PEX6: variants seen among roughly 807,000 people sequenced by gnomAD.
The protein encoded by PEX6 is peroxisome biogenesis factor 6.
A neutral mutation model predicts 85.6 loss-of-function variants in PEX6; 55 were observed. The ratio of observed to expected loss-of-function variants is 0.64; its 90% CI spans 0.52 to 0.80. The LOEUF is 0.80. PEX6 is among the 30% of genes least tolerant of loss of function. PEX6 has a pLI of 0.00. For synonymous variants in PEX6, 519 were observed against 549.1 expected (o/e 0.95, Z 0.77); for missense variants, 1,099 against 1,260.3 (o/e 0.87, Z 1.94).
At position 42,969,915 on chromosome 6, in the gene PEX6, C is replaced by T. The variant is rs1418676965; in HGVS notation, c.1203G>A (p.Leu401=). 1.2e-6 allele frequency: 2 copies of T among 1,614,094 alleles called. No individual in the cohort carries two copies. Among genetic ancestry groups the T allele is most frequent in the Non-Finnish European group, 1.7e-6 (2 of 1,180,046 alleles). Residue 401 remains leucine, a synonymous_variant, in exon 4 of 17, where the codon TTG becomes TTA. Coordinates refer to ENST00000304611, the MANE Select transcript of PEX6 (RefSeq NM_000287.4). ...EAPDGPASAY[L]ADTTHTSLYM... Reference sequence around the variant, plus strand: ...ACAAGGAGGTATGGGTGGTGTCGGCCAAGTAGGCACTGGCTGGTCCATCTG... The same window carrying T: ...ACAAGGAGGTATGGGTGGTGTCGGCTAAGTAGGCACTGGCTGGTCCATCTG...
In PEX6 at chr6:42,967,451, G is replaced by A. The variant is rs61753225; in HGVS notation, c.1801C>T (p.Arg601Trp). 29 of 1,612,226 alleles carry A rather than the reference G, an allele frequency of 1.8e-5. No homozygotes were observed. Among genetic ancestry groups the A allele is most frequent in the Non-Finnish European group, 2.4e-5 (28 of 1,179,516 alleles). The change falls in exon 8 of 17, where the codon CGG becomes TGG. Residue 601 changes from arginine (R) to tryptophan (W), a missense_variant. This residue lies in a region of PEX6 where 514 missense variants were observed against 627.0 expected (regional missense o/e 0.82). Transcript: ENST00000304611. ...LEVPALSEGQRLSILRALTAH... is the reference protein window; with the variant it reads ...LEVPALSEGQWLSILRALTAH... ...GTGAGGGCCCGCAGGATGCTGAGCC[G>A]CTGCCCCTCTGACAGAGCAGGCACC...
intron 2 of PEX6, 114 bp from the exon 3 acceptor site, chr6:42,974,200 G>C: frequency 1.3e-6 from 1 of 777,802 alleles, no homozygotes; most frequent in Non-Finnish European, 2.2e-6. Flanking sequence ...TGCCCGCCCA[G>C]AGATCCCACG....
At chr6:42,972,918 C>T (rs1454800518) in intron 3 of PEX6, among the ~76,000 whole-genome samples, 1 of 152,108 alleles carries the variant, frequency 6.6e-6, no homozygotes, top group Non-Finnish European at 1.5e-5. Flanking sequence ...AGTCTTGGTC[C>T]AAATAACACG....
intron 2 of PEX6, among the ~76,000 whole-genome samples, chr6:42,974,321 GGA>G (rs1351484213): frequency 6.6e-6 from 1 of 152,080 alleles, no homozygotes; most frequent in South Asian, 2.1e-4. Context: ...TGGCTCTTTT[GGA>G]GCCCTCTTTA....
At position 42,973,996 on chromosome 6, in the gene PEX6, T is replaced by C; in HGVS notation, c.1130+7A>G. The stretch of plus-strand genomic sequence containing the variant: ...TCCCAGCTGTAGGACAGAAGGCAGC[T>C]GCATACCTGGGCAGTTTCTCTGGAC... On this transcript the variant is annotated splice_region_variant and intron_variant, in intron 3 of 16. Transcript: ENST00000304611. 1 of 1,607,062 alleles carries C rather than the reference T, an allele frequency of 6.2e-7. No individual in the cohort carries two copies. Among genetic ancestry groups the C allele is most frequent in the Non-Finnish European group, 8.5e-7 (1 of 1,173,516 alleles).
Position 42,965,661 on chromosome 6 carries a change from A to G in PEX6, c.2471+20T>C. 6.4e-7 allele frequency: 1 copy of G among 1,568,412 alleles called. No individual in the cohort carries two copies. Among genetic ancestry groups the G allele is most frequent in the South Asian group, 1.1e-5 (1 of 90,172 alleles). ...TCCCACCCTGGACCCCTCAGCTTTC[A>G]TTCCCACTCAGACCCCTACCTGTCC... On this transcript the variant is annotated intron_variant, in intron 13 of 16. Transcript: ENST00000304611. The surrounding 1 kb of genome is among the most constrained non-coding windows in gnomAD (Gnocchi z 5.0).
intron 1 of PEX6, among the ~76,000 whole-genome samples, chr6:42,976,440 G>T (rs1335691291): frequency 6.6e-6 from 1 of 152,054 alleles, no homozygotes; most frequent in Non-Finnish European, 1.5e-5. Context: ...TGGGTTCACT[G>T]CAACTGCCAC....
At position 42,965,509 on chromosome 6, in the gene PEX6, A is replaced by C. The variant is rs1261587324; in HGVS notation, c.2472-141T>G. On this transcript the variant is annotated intron_variant, in intron 13 of 16. Transcript: ENST00000304611. This position sits in a 1 kb window ranked among gnomAD's most constrained non-coding sequence, Gnocchi z 5.0. ...AATGTGCCCCACCAGGTAGGCCCCCATTCTCCTCAGTGGACCCTGCCCAAT... is the reference window on the plus strand; with the variant it reads ...AATGTGCCCCACCAGGTAGGCCCCCCTTCTCCTCAGTGGACCCTGCCCAAT... The C allele has an allele frequency of 1.1e-6, 1 of 894,530 alleles. No individual in the cohort carries two copies. The highest frequency in any genetic ancestry group is 1.6e-5 in the African/African-American group (1 of 61,090). The allele number at this position is 894,530 out of a possible 1,614,324, so 55.4% of individuals were successfully genotyped here.
rs758415144 is a variant in PEX6 at position 42,969,997 on chromosome 6, A to G, written c.1131-10T>C. ...AAACATTTCCCGCCACCTGCAGGAA[A>G]AAGGCCCAATGAACCCCAGATCCAG... On this transcript the variant is annotated splice_polypyrimidine_tract_variant and intron_variant, in intron 3 of 16. Transcript: ENST00000304611. The G allele has an allele frequency of 6.2e-7, 1 of 1,612,504 alleles. No homozygotes were observed. Among genetic ancestry groups the G allele is most frequent in the African/African-American group, 1.3e-5 (1 of 74,856 alleles).
rs748193406 is a variant in PEX6 at position 42,967,533 on chromosome 6, T to A, written c.1719A>T (p.Thr573=). 1.2e-6 allele frequency: 2 copies of A among 1,605,714 alleles called. No homozygotes were observed. The highest frequency in any genetic ancestry group is 1.7e-6 in the Non-Finnish European group (2 of 1,176,834). Reference sequence around the variant, plus strand: ...CAGCAGGCAGGTCCTGGGCCCGGCTTGTGGTGGCCACAACCATGAGGGGAG... The same window carrying A: ...CAGCAGGCAGGTCCTGGGCCCGGCTAGTGGTGGCCACAACCATGAGGGGAG... The part of the protein sequence containing the change: ...SCPPLMVVAT[T]SRAQDLPADV... Residue 573 remains threonine, a synonymous_variant, in exon 8 of 17, where the codon ACA becomes ACT. Transcript: ENST00000304611.
At position 42,978,594 on chromosome 6, in the gene PEX6, G is replaced by T. The variant is rs267608200; in HGVS notation, c.557C>A (p.Ala186Glu). The part of the protein sequence containing the change: ...PPPPPVVSSF[A>E]VSGTVRRLQG... ...GAGTCGCCGCACTGTGCCAGAAACC[G>T]CAAAGGAGGACACCACGGGCGGGGG... Residue 186 changes from alanine (A) to glutamate (E), a missense_variant, in exon 1 of 17, where the codon GCG becomes GAG. Coordinates refer to ENST00000304611, the MANE Select transcript of PEX6 (RefSeq NM_000287.4). The T allele has an allele frequency of 6.2e-7, 1 of 1,610,146 alleles. No individual in the cohort carries two copies. Among genetic ancestry groups the T allele is most frequent in the Non-Finnish European group, 8.5e-7 (1 of 1,179,548 alleles).
intron 1 of PEX6, 145 bp downstream of exon 1, chr6:42,978,124 C>G (rs1770381536): frequency 1.0e-6 from 1 of 971,698 alleles, no homozygotes; most frequent in East Asian, 2.5e-5. Flanking sequence ...GGATTACAGG[C>G]GTGAGTCACC....
chr6:42,968,269 G>A, intron 7 of PEX6, 21 bp downstream of exon 7: 1 of 1,608,774 alleles, frequency 6.2e-7, no homozygotes, highest in Non-Finnish European at 8.5e-7. Flanking sequence ...AGCTTTGAGA[G>A]GCCCAGCTCT....
intron 5 of PEX6, 78 bp from the exon 6 acceptor site, chr6:42,969,063 A>C (rs1769959283): frequency 1.0e-6 from 1 of 986,306 alleles, no homozygotes; most frequent in Non-Finnish European, 1.6e-6. Flanking sequence ...GATCCCTTAG[A>C]TCTAGAAAGC....
At chr6:42,977,795 G>C (rs368222925) in intron 1 of PEX6, among the ~76,000 whole-genome samples, 13 of 122,754 alleles carry the variant, frequency 1.1e-4, no homozygotes, top group African/African-American at 3.8e-4. Flanking sequence ...AAAAAAAAAG[G>C]AAAGAAAGAA....
chr6:42,967,249 G>C (rs184506615), intron 8 of PEX6, 119 bp downstream of exon 8: 4 of 996,572 alleles, frequency 4.0e-6, no homozygotes, highest in Non-Finnish European at 6.1e-6. Flanking sequence ...GATTACAGGC[G>C]TGAGCCACGG....
At chr6:42,973,971 T>C (rs773765629) in intron 3 of PEX6, 32 bp downstream of exon 3, 1 of 1,505,422 alleles carries the variant, frequency 6.6e-7, no homozygotes, top group Non-Finnish European at 9.2e-7. Flanking sequence ...AGGTTACAAA[T>C]CCCAGCTGTA....
chr6:42,964,936 T>C lies in PEX6; in HGVS notation c.2667-7A>G. 1 of 1,614,170 alleles carries C rather than the reference T, an allele frequency of 6.2e-7. No homozygotes were observed. On this transcript the variant is annotated splice_region_variant and splice_polypyrimidine_tract_variant and intron_variant, in intron 15 of 16. Coordinates refer to ENST00000304611, the MANE Select transcript of PEX6 (RefSeq NM_000287.4). This position sits in a 1 kb window ranked among gnomAD's most constrained non-coding sequence, Gnocchi z 4.6. ...AGATGGCTCTAGCTTGAATCTGTTG[T>C]GGGATACAGGAAGAAACAGAGTTGG... is the stretch of plus-strand genomic sequence containing the variant.
Position 42,965,881 on chromosome 6 carries a change from A to C in PEX6, c.2363-92T>G. On this transcript the variant is annotated intron_variant, in intron 12 of 16. Coordinates refer to ENST00000304611, the MANE Select transcript of PEX6 (RefSeq NM_000287.4). The surrounding 1 kb of genome is among the most constrained non-coding windows in gnomAD (Gnocchi z 5.0). ...GCAGGGAGGGAAACTGGGGCCTGAC[A>C]ATACAGCACTGGCATCCCAGGTACT... The C allele has an allele frequency of 1.6e-5, 21 of 1,314,332 alleles. No individual in the cohort carries two copies. The highest frequency in any genetic ancestry group is 2.2e-5 in the Non-Finnish European group (20 of 911,040). The allele number at this position is 1,314,332 out of a possible 1,614,324, so 81.4% of individuals were successfully genotyped here.
Sources: allele counts gnomAD v4.1 joint callset (sites outside exome capture counted in the v4.1 genomes callset), GRCh38; gene constraint gnomAD v4.1.1; regional missense constraint gnomAD v4.1.1; non-coding constraint Gnocchi (gnomAD v3.1); transcripts MANE v1.5; gene names NCBI Gene and HGNC (gene_info 2026-07-23, HGNC 2026-07-21).